Variants in NXPE1 observed in about 807,000 individuals in gnomAD.
The protein encoded by NXPE1 is NXPE family member 1.
Under a neutral mutation model 33.3 loss-of-function variants are expected in NXPE1, and 31 were observed. The observed-to-expected ratio is 0.93, with a 90% CI of 0.70 to 1.26. NXPE1 has a LOEUF of 1.26. Ranked by LOEUF, NXPE1 falls within the 50% of genes most tolerant of loss-of-function variation. The probability of loss-of-function intolerance (pLI) is 0.00; values close to 1 mark genes in which losing one functional copy is unlikely to be tolerated. For synonymous variants in NXPE1, 229 were observed against 231.4 expected, an observed-to-expected ratio of 0.99 and a Z score of 0.09; for missense variants, 661 against 655.6, an observed-to-expected ratio of 1.01 and a Z score of -0.09.
At chr11:114,526,276 A>G (rs1947366806) in intron 7 of NXPE1, among the ~76,000 whole-genome samples, 1 of 152,210 alleles carries the variant, frequency 6.6e-6, no homozygotes, top group Non-Finnish European at 1.5e-5. Context: ...ACAGACTATA[A>G]GATGATATAT....
At chr11:114,548,105 G>C (rs1317813175) in intron 5 of NXPE1, among the ~76,000 whole-genome samples, 1 of 151,940 alleles carries the variant, frequency 6.6e-6, no homozygotes, top group Non-Finnish European at 1.5e-5. Context: ...GATGAAGCAG[G>C]ATACCATATA....
intron 5 of NXPE1, among the ~76,000 whole-genome samples, chr11:114,544,924 CAAAGA>C (rs2135072351): frequency 6.6e-6 from 1 of 151,978 alleles, no homozygotes; most frequent in Admixed American, 6.5e-5. Flanking sequence ...GACACCTCAC[CAAAGA>C]AGAGACACGC....
At chr11:114,559,716 G>C (rs1948734705) in intron 1 of NXPE1, 82 bp downstream of exon 1, 1 of 151,350 alleles carries the variant, frequency 6.6e-6, no homozygotes, top group Non-Finnish European at 1.5e-5. Context: ...AATTTCTTTT[G>C]CTTTGTTCTT....
intron 6 of NXPE1, 71 bp from the exon 7 acceptor site, chr11:114,527,972 G>A: frequency 2.6e-6 from 3 of 1,141,336 alleles, no homozygotes; most frequent in Non-Finnish European, 3.8e-6. Context: ...TCATCTGCTT[G>A]TGAGTGAAGG....
At chr11:114,550,676 C>T (rs1341474391) in intron 5 of NXPE1, among the ~76,000 whole-genome samples, 1 of 152,102 alleles carries the variant, frequency 6.6e-6, no homozygotes, top group Non-Finnish European at 1.5e-5. Flanking sequence ...AACTTTCTAA[C>T]TGTGACTTAA....
At chr11:114,533,093 AAAAC>A (rs943708207) in intron 5 of NXPE1, among the ~76,000 whole-genome samples, 53 of 152,332 alleles carry the variant, frequency 3.5e-4, no homozygotes, top group African/African-American at 1.3e-3. Context: ...ACAATAAAAT[AAAAC>A]AAACAAACAA....
intron 5 of NXPE1, among the ~76,000 whole-genome samples, chr11:114,543,514 C>T (rs1414285689): frequency 9.2e-6 from 1 of 108,440 alleles, no homozygotes; most frequent in Non-Finnish European, 1.8e-5. Flanking sequence ...GAGTGAGACC[C>T]TGTTTAAAAA....
chr11:114,558,216 A>G (rs181168707), intron 1 of NXPE1, among the ~76,000 whole-genome samples: 135 of 152,190 alleles, frequency 8.9e-4, no homozygotes, highest in Middle Eastern at 6.8e-3. Flanking sequence ...GTGTGTGTGT[A>G]TATATATATC....
intron 6 of NXPE1, chr11:114,529,056 T>A (rs1048973173): frequency 1.5e-5 from 6 of 391,646 alleles, no homozygotes; most frequent in African/African-American, 1.2e-4. Context: ...TATTTTGTCA[T>A]GTTTGGTGCC....
At chr11:114,532,481 A>T (rs548615424) in intron 5 of NXPE1, among the ~76,000 whole-genome samples, 185 of 152,318 alleles carry the variant, frequency 1.2e-3, no homozygotes, top group Middle Eastern at 3.4e-3. Flanking sequence ...GAATATAATC[A>T]TCATGATGAT....
downstream of NXPE1, chr11:114,521,644 A>G (rs1947213640): frequency 4.2e-6 from 1 of 236,982 alleles, no homozygotes; most frequent in Non-Finnish European, 8.2e-6. Context: ...AGACAGAGCT[A>G]GGAAATATCT....
exon 7 of NXPE1, chr11:114,527,878 A>T (rs765713906): frequency 1.2e-6 from 2 of 1,604,036 alleles, no homozygotes; most frequent in Non-Finnish European, 8.5e-7. Flanking sequence ...ACGATCCTTC[A>T]TCATTTCAAC....
At chr11:114,557,275 C>T (rs1228974893) in intron 1 of NXPE1, among the ~76,000 whole-genome samples, 6 of 152,184 alleles carry the variant, frequency 3.9e-5, no homozygotes, top group African/African-American at 1.4e-4. Flanking sequence ...ATAAAAACTA[C>T]TTTAATAATT....
exon 6 of NXPE1, chr11:114,530,579 C>T (rs755515183): frequency 1.9e-6 from 3 of 1,613,796 alleles, no homozygotes; most frequent in African/African-American, 2.7e-5. Flanking sequence ...CTGGGGAGGA[C>T]ATCCTGGCCC....
chr11:114,553,693 T>C lies in NXPE1; in HGVS notation c.-210-813A>G, dbSNP rs1385538652. 4 of 984,040 alleles carry C rather than the reference T, an allele frequency of 4.1e-6. No individual in the cohort carries two copies. The African/African-American group carries it at 7.0e-5, about 17-fold the overall frequency. 61.0% of individuals were successfully genotyped at this position (984,040 alleles called of 1,614,324 possible). The stretch of plus-strand genomic sequence containing the variant: ...TTCCGAAATCAATGTCTCACCTAGA[T>C]TCTACTCCTTAGCTTGAGCTCTGCA... On this transcript the variant is annotated intron_variant, in intron 1 of 8. Coordinates refer to ENST00000534921, the Ensembl canonical transcript of NXPE1.
At chr11:114,539,176 C>T (rs1363650448) in intron 5 of NXPE1, among the ~76,000 whole-genome samples, 1 of 151,626 alleles carries the variant, frequency 6.6e-6, no homozygotes, top group Admixed American at 6.6e-5. Context: ...AGCAAACTAT[C>T]ACAAGGACAA....
At chr11:114,555,768 G>A (rs149092172) in intron 1 of NXPE1, among the ~76,000 whole-genome samples, 436 of 152,228 alleles carry the variant, frequency 2.9e-3, no homozygotes, top group African/African-American at 9.2e-3. Context: ...TCATATAAAT[G>A]GAATAATGTA....
intron 5 of NXPE1, among the ~76,000 whole-genome samples, chr11:114,546,615 G>A (rs1003911805): frequency 2.6e-5 from 4 of 151,836 alleles, no homozygotes; most frequent in South Asian, 2.1e-4. Context: ...ATTTCTGAGC[G>A]CTGTCTTCTG....
chr11:114,527,706 C>T (rs1462432483), intron 7 of NXPE1, 134 bp downstream of exon 7: 3 of 552,416 alleles, frequency 5.4e-6, no homozygotes, highest in Non-Finnish European at 9.5e-6. Context: ...TTCATTTCTC[C>T]CTTTAAAGTC....
Sources: allele counts gnomAD v4.1 joint callset (sites outside exome capture counted in the v4.1 genomes callset), GRCh38; gene constraint gnomAD v4.1.1; transcripts MANE v1.5; gene names NCBI Gene and HGNC (gene_info 2026-07-23, HGNC 2026-07-21).